Variants in KCNIP4 observed in about 807,000 individuals in gnomAD.
KCNIP4 encodes the protein potassium voltage-gated channel interacting protein 4.
Under a neutral mutation model 34.0 loss-of-function variants are expected in KCNIP4, and 12 were observed. The ratio of observed to expected loss-of-function variants is 0.35; its 90% confidence interval spans 0.23 to 0.57. The LOEUF is 0.57. KCNIP4 is among the 20% of genes least tolerant of loss of function. The probability of loss-of-function intolerance (pLI) is 0.83; values close to 1 mark genes in which losing one functional copy is unlikely to be tolerated. For missense variants in KCNIP4, 238 were observed against 311.7 expected (o/e 0.76, Z 1.78); for synonymous variants, 124 against 102.2 (o/e 1.21, Z -1.29).
chr4:21,652,830 T>C (rs980481358), intron 1 of KCNIP4, among the ~76,000 whole-genome samples: 3 of 152,136 alleles, frequency 2.0e-5, no homozygotes, highest in African/African-American at 4.8e-5. Context: ...GTTCAAGTAA[T>C]GTGAGTGGGA....
Position 21,339,736 on chromosome 4 carries a change from AAAC to A in KCNIP4, c.62-457030_62-457028del, listed in dbSNP as rs200357164. On this transcript the variant is annotated intron_variant, in intron 1 of 8. Transcript: ENST00000382152. Reference sequence around the variant, plus strand: ...TGGTGCTGCCAGAAAAGCAATGGAGAAACAAAAGGCATGATAGGCAGAGGAAGA... The same window carrying A: ...TGGTGCTGCCAGAAAAGCAATGGAGAAAAAGGCATGATAGGCAGAGGAAGA... 5.7e-3 allele frequency among the ~76,000 whole-genome samples: 875 copies of A among 152,278 alleles called. 19 individuals carry two copies. The East Asian group carries it at 0.07, about 12-fold the overall frequency.
chr4:21,205,273 T>A (rs1007851802), intron 1 of KCNIP4, among the ~76,000 whole-genome samples: 2 of 152,242 alleles, frequency 1.3e-5, no homozygotes, highest in Non-Finnish European at 2.9e-5. Context: ...TGTATATATA[T>A]GACTTTGCCT....
intron 1 of KCNIP4, among the ~76,000 whole-genome samples, chr4:21,459,295 T>G (rs1729241527): frequency 6.6e-6 from 1 of 152,080 alleles, no homozygotes; most frequent in African/African-American, 2.4e-5. Flanking sequence ...TTTGATAAGG[T>G]TGAAGGATCC....
chr4:21,765,494 G>T (rs911896460), intron 1 of KCNIP4, among the ~76,000 whole-genome samples: 1 of 151,952 alleles, frequency 6.6e-6, no homozygotes, highest in Non-Finnish European at 1.5e-5. Context: ...GGGAAAAGTG[G>T]TCAATTTCTG....
At chr4:21,760,715 T>C (rs1315144521) in intron 1 of KCNIP4, among the ~76,000 whole-genome samples, 1 of 152,122 alleles carries the variant, frequency 6.6e-6, no homozygotes, top group African/African-American at 2.4e-5. Flanking sequence ...TGTCAAGTAT[T>C]AAAAAGCTAA....
intron 1 of KCNIP4, among the ~76,000 whole-genome samples, chr4:21,338,344 C>A (rs958212803): frequency 1.3e-5 from 2 of 150,210 alleles, no homozygotes; most frequent in African/African-American, 4.9e-5. Context: ...TTAAGTCCCA[C>A]TGGCTATACA....
At chr4:20,786,282 T>C (rs977750496) in intron 3 of KCNIP4, among the ~76,000 whole-genome samples, 1 of 151,866 alleles carries the variant, frequency 6.6e-6, no homozygotes, top group African/African-American at 2.4e-5. Flanking sequence ...CAAGAGACAC[T>C]AGGAACTCCA....
At chr4:20,799,725 C>G (rs1158542207) in intron 3 of KCNIP4, among the ~76,000 whole-genome samples, 1 of 152,194 alleles carries the variant, frequency 6.6e-6, no homozygotes, top group Non-Finnish European at 1.5e-5. Context: ...AGGGTCCAAA[C>G]TCCACACTAT....
intron 1 of KCNIP4, among the ~76,000 whole-genome samples, chr4:21,252,089 G>A (rs991937464): frequency 3.3e-5 from 5 of 150,650 alleles, no homozygotes; most frequent in Non-Finnish European, 7.4e-5. Context: ...ACTACCTGAG[G>A]TATGTTTAAG....
At chr4:21,744,839 G>A (rs1409436555) in intron 1 of KCNIP4, among the ~76,000 whole-genome samples, 3 of 152,226 alleles carry the variant, frequency 2.0e-5, no homozygotes, top group South Asian at 4.2e-4. Context: ...AACAAAACAC[G>A]TTCCTCACAA....
chr4:20,731,618 A>G (rs574894786), intron 8 of KCNIP4: 1 of 985,258 alleles, frequency 1.0e-6, no homozygotes, highest in Admixed American at 6.1e-5. Context: ...TTGTGATGCC[A>G]TACTTGGCTA....
At chr4:21,268,250 C>CA (rs61651687) in intron 1 of KCNIP4, among the ~76,000 whole-genome samples, 4 of 151,734 alleles carry the variant, frequency 2.6e-5, no homozygotes, top group Non-Finnish European at 4.4e-5. Context: ...ATTCAAGTCT[C>CA]TGTGTATTTT....
chr4:20,795,872 A>G (rs1044047591), intron 3 of KCNIP4, among the ~76,000 whole-genome samples: 1 of 152,184 alleles, frequency 6.6e-6, no homozygotes, highest in Non-Finnish European at 1.5e-5. Flanking sequence ...TTTTCATAAG[A>G]TGGTTCACAA....
rs368390200 is a variant in KCNIP4, at chr4:21,714,836, T to G, written c.61+233735A>C. On this transcript the variant is annotated intron_variant, in intron 1 of 8. Coordinates refer to ENST00000382152, the MANE Select transcript of KCNIP4 (RefSeq NM_025221.6). ...TTTATTTTATTTTATTTTATTTTATTTTATTTTATTTTATTTTATTTTATT... is the reference window on the plus strand; with the variant it reads ...TTTATTTTATTTTATTTTATTTTATGTTATTTTATTTTATTTTATTTTATT... Among the ~76,000 whole-genome samples the G allele has an allele frequency of 9.4e-4, 3 of 3,194 alleles. 1 individual carries two copies. The African/African-American group carries it at 0.02, about 22-fold the overall frequency. The allele number at this position is 3,194 out of a possible 152,430, so 2.1% of individuals were successfully genotyped here.
At chr4:21,405,939 G>A (rs558650512) in intron 1 of KCNIP4, among the ~76,000 whole-genome samples, 1 of 152,162 alleles carries the variant, frequency 6.6e-6, no homozygotes. Flanking sequence ...GGGTTCAAGC[G>A]ATTCTCCTGC....
Position 21,372,394 on chromosome 4 carries a change from T to TAGA in KCNIP4, c.62-489686_62-489685insTCT, listed in dbSNP as rs1560339719. Reference sequence around the variant, plus strand: ...GATAGATAGATAGATAGATAGATAGTTAGATAGACAGACAGACAGATACAG... The same window carrying TAGA: ...GATAGATAGATAGATAGATAGATAGTAGATAGATAGACAGACAGACAGATACAG... On this transcript the variant is annotated intron_variant, in intron 1 of 8. Transcript: ENST00000382152. Among the ~76,000 whole-genome samples the TAGA allele has an allele frequency of 1.2e-3, 72 of 60,492 alleles. 8 individuals carry two copies. Among genetic ancestry groups the TAGA allele is most frequent in the East Asian group, 4.9e-3 (10 of 2,044 alleles). The allele number at this position is 60,492 out of a possible 152,430, so 39.7% of individuals were successfully genotyped here. A position where few individuals can be genotyped will look rare whatever the true frequency, so the allele number is the denominator to read the frequency against.
intron 1 of KCNIP4, among the ~76,000 whole-genome samples, chr4:21,708,307 A>C (rs1713452181): frequency 6.6e-6 from 1 of 151,972 alleles, no homozygotes. Flanking sequence ...ATTTTTTCTC[A>C]AAGTACAATG....
intron 3 of KCNIP4, among the ~76,000 whole-genome samples, chr4:20,830,361 C>T (rs1456999175): frequency 3.3e-5 from 5 of 152,168 alleles, no homozygotes; most frequent in Non-Finnish European, 7.3e-5. Context: ...ACTATGAATT[C>T]TGGTCTACCT....
chr4:21,824,886 C>A (rs530733654), intron 1 of KCNIP4, among the ~76,000 whole-genome samples: 2 of 152,214 alleles, frequency 1.3e-5, no homozygotes, highest in East Asian at 3.9e-4. Context: ...CTGTCCCCAT[C>A]CAATCTACTA....
Sources: allele counts gnomAD v4.1 joint callset (sites outside exome capture counted in the v4.1 genomes callset), GRCh38; gene constraint gnomAD v4.1.1; transcripts MANE v1.5; gene names NCBI Gene and HGNC (gene_info 2026-07-23, HGNC 2026-07-21).